The following CDC42BPA variants were observed in gnomAD, a reference collection of about 807,000 sequenced individuals.
CDC42BPA encodes CDC42 binding protein kinase alpha.
A neutral mutation model predicts 223.5 loss-of-function variants in CDC42BPA; 80 were observed. The ratio of observed to expected loss-of-function variants is 0.36; its 90% CI spans 0.30 to 0.43. CDC42BPA has a LOEUF of 0.43. Ranked by LOEUF, CDC42BPA falls within the 20% of genes least tolerant of loss-of-function variation. The pLI, the probability that CDC42BPA is intolerant of heterozygous loss-of-function variation, is 1.00. For missense variants in CDC42BPA, 1,743 were observed against 2,099.9 expected, an observed-to-expected ratio of 0.83 and a Z score of 3.32; for synonymous variants, 694 against 718.6, an observed-to-expected ratio of 0.97 and a Z score of 0.55.
intron 5 of CDC42BPA, 82 bp from the exon 6 acceptor site, chr1:227,160,718 A>C: frequency 2.6e-6 from 2 of 756,268 alleles, no homozygotes; most frequent in Non-Finnish European, 4.4e-6. Flanking sequence ...GTCAGAAAAA[A>C]ATCTCAACTT....
chr1:227,122,312 T>C (rs778596277), intron 11 of CDC42BPA, among the ~76,000 whole-genome samples: 1 of 152,208 alleles, frequency 6.6e-6, no homozygotes, highest in Non-Finnish European at 1.5e-5. Flanking sequence ...ACTTCTGAAG[T>C]GTTCTTCTCT....
chr1:227,264,647 C>T (rs1296055638), intron 1 of CDC42BPA: 2 of 537,764 alleles, frequency 3.7e-6, no homozygotes, highest in Non-Finnish European at 6.8e-6. Flanking sequence ...TTAATGTTGC[C>T]CTAAGTTTTA....
At chr1:227,099,862 C>T (rs1684678918) in intron 15 of CDC42BPA, among the ~76,000 whole-genome samples, 1 of 152,110 alleles carries the variant, frequency 6.6e-6, no homozygotes, top group Non-Finnish European at 1.5e-5. Flanking sequence ...TTTCCTCTTA[C>T]TTTTTTGTTC....
chr1:227,166,080 T>C (rs1033471181), intron 5 of CDC42BPA, among the ~76,000 whole-genome samples: 2 of 152,208 alleles, frequency 1.3e-5, no homozygotes, highest in African/African-American at 4.8e-5. Flanking sequence ...ATAAGCACCA[T>C]GATGTTAAAA....
At chr1:227,182,876 C>T (rs940254904) in intron 5 of CDC42BPA, 6 of 152,256 alleles carry the variant, frequency 3.9e-5, no homozygotes, top group African/African-American at 7.2e-5. Context: ...GTGCATGAAG[C>T]CTGCTTCCGC....
At chr1:227,030,384 C>CA (rs34370338) in intron 29 of CDC42BPA, 24 bp downstream of exon 29, 34,331 of 1,079,972 alleles carry the variant, frequency 0.032, 3 homozygotes, top group South Asian at 0.039. Flanking sequence ...AAAATTACTC[C>CA]AAAAAAAAAA....
At chr1:227,102,178 T>A (rs12125514) in intron 14 of CDC42BPA, among the ~76,000 whole-genome samples, 31,185 of 152,110 alleles carry the variant, frequency 0.21, 3,301 homozygotes, top group East Asian at 0.26. Flanking sequence ...GTAGTTGACT[T>A]AAAGTAGAAG....
chr1:227,308,431 C>T (rs941990316), intron 1 of CDC42BPA, among the ~76,000 whole-genome samples: 1 of 150,240 alleles, frequency 6.7e-6, no homozygotes, highest in African/African-American at 2.4e-5. Flanking sequence ...AATTGCCTGA[C>T]CTCGGGAGGT....
At chr1:227,261,555 A>C (rs1348740147) in intron 1 of CDC42BPA, among the ~76,000 whole-genome samples, 2 of 144,754 alleles carry the variant, frequency 1.4e-5, no homozygotes, top group Non-Finnish European at 2.9e-5. Flanking sequence ...GAGAGATTTT[A>C]AATATACAAT....
At chr1:227,135,855 CAAAAAAAAAAAAAAAAAAAAAAA>C (rs1175091904) in intron 10 of CDC42BPA, among the ~76,000 whole-genome samples, 2 of 6,606 alleles carry the variant, frequency 3.0e-4, no homozygotes, top group African/African-American at 5.4e-4. Context: ...CTCTGTCTCC[CAAAAAAAAAAAAAAAAAAAAAAA>C]AAAAAAAAAA....
chr1:227,306,137 GGTTT>G (rs1294920140), intron 1 of CDC42BPA, among the ~76,000 whole-genome samples: 3 of 69,572 alleles, frequency 4.3e-5, no homozygotes, highest in Non-Finnish European at 8.4e-5. Context: ...TGTTCTAAGT[GGTTT>G]TTTTTTTTTT....
At chr1:227,055,688 A>G (rs947715210) in intron 21 of CDC42BPA, among the ~76,000 whole-genome samples, 2 of 152,154 alleles carry the variant, frequency 1.3e-5, no homozygotes, top group African/African-American at 4.8e-5. Context: ...TATAGCATTA[A>G]GTATAATAAT....
At position 226,994,181 on chromosome 1, in the gene CDC42BPA, G is replaced by C. The variant is rs1661099104; in HGVS notation, c.*87C>G. ...GCCAGCCCCTGGTGGCTTTCAGGCC[G>C]AGCAGGCGAGGTGGAGGGAAGAGAT... On this transcript the variant is annotated 3_prime_UTR_variant, in exon 37 of 37. Transcript: ENST00000366766. The surrounding 1 kb of genome is among the most constrained non-coding windows in gnomAD (Gnocchi z 4.0). 1.5e-5 allele frequency: 21 copies of C among 1,379,084 alleles called. No homozygotes were observed. The highest frequency in any genetic ancestry group is 2.0e-5 in the Non-Finnish European group (20 of 1,013,242). The allele number at this position is 1,379,084 out of a possible 1,614,324, so 85.4% of individuals were successfully genotyped here.
intron 20 of CDC42BPA, among the ~76,000 whole-genome samples, chr1:227,070,612 G>A (rs1678101228): frequency 6.6e-6 from 1 of 151,800 alleles, no homozygotes; most frequent in Non-Finnish European, 1.5e-5. Flanking sequence ...ATCAGGTAAG[G>A]CAGTATGTTC....
At chr1:227,004,228 T>C (rs2148353318) in intron 35 of CDC42BPA, 1 of 152,328 alleles carries the variant, frequency 6.6e-6, no homozygotes, top group South Asian at 2.1e-4. Flanking sequence ...TAATTCATCA[T>C]CAAGTCTTAC....
intron 5 of CDC42BPA, among the ~76,000 whole-genome samples, chr1:227,170,841 G>A (rs551623016): frequency 2.6e-5 from 4 of 152,302 alleles, no homozygotes; most frequent in African/African-American, 7.2e-5. Flanking sequence ...TTCTACAGGT[G>A]TTAACCCCTA....
chr1:227,120,763 T>G (rs1688524738), intron 11 of CDC42BPA, among the ~76,000 whole-genome samples: 1 of 152,220 alleles, frequency 6.6e-6, no homozygotes, highest in African/African-American at 2.4e-5. Context: ...TTATCGGTTC[T>G]GCTCTGGATA....
intron 2 of CDC42BPA, among the ~76,000 whole-genome samples, chr1:227,237,816 G>A (rs908292567): frequency 1.3e-5 from 2 of 151,996 alleles, no homozygotes; most frequent in South Asian, 2.1e-4. Flanking sequence ...CGAGGCGGGC[G>A]GATCACCTGA....
intron 11 of CDC42BPA, among the ~76,000 whole-genome samples, chr1:227,128,530 G>C (rs957236984): frequency 1.3e-5 from 2 of 152,006 alleles, no homozygotes; most frequent in African/African-American, 4.8e-5. Flanking sequence ...TGAATCCCAA[G>C]AGCCTAAAAC....
Sources: gnomAD v4.1 joint callset for allele counts (sites outside exome capture counted in the v4.1 genomes callset) on GRCh38, gnomAD v4.1.1 for gene constraint, Gnocchi (gnomAD v3.1) non-coding constraint, MANE v1.5 for transcripts, NCBI Gene and HGNC (gene_info 2026-07-23, HGNC 2026-07-21) for gene names.